Variants in ARHGAP8 observed in about 807,000 individuals in gnomAD.
ARHGAP8 encodes the protein Rho GTPase activating protein 8.
ARHGAP8 carries 62 observed loss-of-function variants against 46.1 expected under a neutral mutation model. That is an observed-to-expected ratio of 1.34 (90% confidence interval 1.10 to 1.66). The LOEUF (loss-of-function observed/expected upper bound fraction) is 1.66, where lower values mean the gene tolerates loss of function less well. Ranked by LOEUF, ARHGAP8 falls within the 40% of genes most tolerant of loss-of-function variation. ARHGAP8 has a pLI of 0.00. For missense variants in ARHGAP8, 923 were observed against 568.4 expected (o/e 1.62, Z -6.34); for synonymous variants, 375 against 243.1 (o/e 1.54, Z -5.05).
chr22:44,798,282 A>T (rs183353898), intron 2 of ARHGAP8, among the ~76,000 whole-genome samples: 9 of 151,802 alleles, frequency 5.9e-5, no homozygotes, highest in Admixed American at 5.3e-4. Context: ...GGCCAAAAAA[A>T]TTTTTTTAGA....
At chr22:44,821,892 G>A (rs1326401748) in intron 5 of ARHGAP8, among the ~76,000 whole-genome samples, 2 of 148,738 alleles carry the variant, frequency 1.3e-5, no homozygotes, top group African/African-American at 4.9e-5. Flanking sequence ...CAAACCTGGA[G>A]AGCCTCATTG....
At chr22:44,753,472 G>C (rs1188894846) in intron 1 of ARHGAP8, among the ~76,000 whole-genome samples, 1 of 151,922 alleles carries the variant, frequency 6.6e-6, no homozygotes, top group African/African-American at 2.4e-5. Flanking sequence ...CCGTCTTCCT[G>C]GGCCTCCCAA....
At chr22:44,853,045 G>A (rs1311949638) in intron 10 of ARHGAP8, among the ~76,000 whole-genome samples, 2 of 152,104 alleles carry the variant, frequency 1.3e-5, no homozygotes, top group African/African-American at 4.8e-5. Context: ...CTTGTGATCC[G>A]CCCACCTCAG....
chr22:44,840,553 C>T (rs1450839244), intron 7 of ARHGAP8, among the ~76,000 whole-genome samples: 4 of 152,120 alleles, frequency 2.6e-5, no homozygotes, highest in South Asian at 2.1e-4. Context: ...TTATAAACAA[C>T]GGAAATTTAC....
At chr22:44,754,076 C>A (rs1440563559) in intron 1 of ARHGAP8, among the ~76,000 whole-genome samples, 1 of 152,164 alleles carries the variant, frequency 6.6e-6, no homozygotes, top group African/African-American at 2.4e-5. Flanking sequence ...TTCTTGTGGA[C>A]AGCCAGCTGC....
intron 10 of ARHGAP8, among the ~76,000 whole-genome samples, chr22:44,851,374 T>C (rs1164556301): frequency 2.0e-5 from 3 of 152,042 alleles, no homozygotes; most frequent in African/African-American, 4.8e-5. Flanking sequence ...AAGTTTTACA[T>C]GACACAGGAG....
At chr22:44,860,452 T>TC (rs1224066902) in intron 11 of ARHGAP8, among the ~76,000 whole-genome samples, 1 of 151,784 alleles carries the variant, frequency 6.6e-6, no homozygotes, top group Non-Finnish European at 1.5e-5. Flanking sequence ...GTGTCTAATC[T>TC]CCCTCCACCT....
intron 1 of ARHGAP8, among the ~76,000 whole-genome samples, chr22:44,759,754 T>C (rs1000888652): frequency 6.6e-6 from 1 of 152,218 alleles, no homozygotes; most frequent in African/African-American, 2.4e-5. Context: ...TCGTGCTGAT[T>C]AGCTCTGGCT....
intron 2 of ARHGAP8, among the ~76,000 whole-genome samples, chr22:44,787,230 T>C (rs1247334918): frequency 6.6e-6 from 1 of 152,254 alleles, no homozygotes; most frequent in East Asian, 1.9e-4. Context: ...GGCACTGTTA[T>C]GTCTCATCCA....
At chr22:44,831,630 C>T (rs1225283013) in intron 7 of ARHGAP8, among the ~76,000 whole-genome samples, 4 of 152,020 alleles carry the variant, frequency 2.6e-5, no homozygotes, top group Admixed American at 6.6e-5. Context: ...ACCTGGGAGG[C>T]GGAGGTTGCA....
At chr22:44,860,632 A>G (rs5765061) in intron 11 of ARHGAP8, among the ~76,000 whole-genome samples, 8,770 of 91,644 alleles carry the variant, frequency 0.096, 489 homozygotes, top group East Asian at 0.45. Context: ...CCACCATTCA[A>G]TCTACTACAC....
chr22:44,817,542 G>A (rs981580205), intron 5 of ARHGAP8, among the ~76,000 whole-genome samples: 7 of 152,268 alleles, frequency 4.6e-5, no homozygotes, highest in Admixed American at 2.6e-4. Context: ...AATAGCTCAC[G>A]TCTGTAATCT....
chr22:44,840,033 T>G (rs999140721), intron 7 of ARHGAP8, among the ~76,000 whole-genome samples: 3 of 152,206 alleles, frequency 2.0e-5, no homozygotes, highest in Admixed American at 6.5e-5. Context: ...CCCAGCCTGA[T>G]GTTCCCACGG....
rs149327155 is a variant in ARHGAP8, at chr22:44,849,039, G to T, written c.856G>T (p.Glu286Ter). ...GCCGCTTCTGACCTTCCAGGCCTAC[G>T]AGCAGATTCTCGGGATCACCTGTGC... ...PQPLLTFQAY[E>*]QILGITCVES... The change falls in exon 10 of 12, where the codon GAG (glutamate) becomes TAG (stop). Residue 286 changes from glutamate (E) to a stop codon, truncating the protein, a stop_gained. Transcript: ENST00000356099. LOFTEE classifies it high-confidence loss of function. 2 of 1,613,972 alleles carry T rather than the reference G, an allele frequency of 1.2e-6. No individual in the cohort carries two copies. Among genetic ancestry groups the T allele is most frequent in the South Asian group, 2.2e-5 (2 of 91,080 alleles).
intron 10 of ARHGAP8, chr22:44,850,715 C>G (rs1177323826): frequency 6.6e-6 from 1 of 152,128 alleles, no homozygotes; most frequent in Non-Finnish European, 1.5e-5. Context: ...CCTGTAATCC[C>G]AGCACTTTGA....
In ARHGAP8 at chr22:44,788,037, AG is replaced by A. The variant is rs1345121195; in HGVS notation, c.79+1432del. Reference sequence around the variant, plus strand: ...GCAGATCCCCTGGCCAGGTGCCAACAGAAGGAAGGCAGGAAATATATATTTT... The same window carrying A: ...GCAGATCCCCTGGCCAGGTGCCAACAAAGGAAGGCAGGAAATATATATTTT... On this transcript the variant is annotated intron_variant, in intron 2 of 11. Transcript: ENST00000356099. Among the ~76,000 whole-genome samples the A allele has an allele frequency of 7.4e-3, 1,109 of 150,036 alleles. 5 individuals are homozygous for A. Among genetic ancestry groups the A allele is most frequent in the Middle Eastern group, 0.014 (4 of 282 alleles).
intron 1 of ARHGAP8, among the ~76,000 whole-genome samples, chr22:44,758,548 A>G (rs759698022): frequency 2.6e-5 from 4 of 152,030 alleles, no homozygotes; most frequent in Non-Finnish European, 4.4e-5. Flanking sequence ...ATTGGACTTT[A>G]GCCAATGATG....
intron 11 of ARHGAP8, among the ~76,000 whole-genome samples, chr22:44,861,929 C>T (rs181046535): frequency 9.9e-4 from 150 of 152,262 alleles, no homozygotes; most frequent in Admixed American, 9.4e-3. Flanking sequence ...GAGCCGAGGC[C>T]AGAGAGGTCA....
In ARHGAP8 at chr22:44,803,696, CA is replaced by C. The variant is rs1468087964; in HGVS notation, c.167+1533del. 3.2e-3 allele frequency among the ~76,000 whole-genome samples: 364 copies of C among 112,998 alleles called. 1 individual carries two copies. Among genetic ancestry groups the C allele is most frequent in the East Asian group, 5.0e-3 (16 of 3,226 alleles). The allele number at this position is 112,998 out of a possible 152,430, so 74.1% of individuals were successfully genotyped here. ...CCCCTCCCGTGCACACACCCCCTCCCAGGAACACACCCCCCCATGCATGCAC... is the reference window on the plus strand; with the variant it reads ...CCCCTCCCGTGCACACACCCCCTCCCGGAACACACCCCCCCATGCATGCAC... On this transcript the variant is annotated intron_variant, in intron 3 of 11. Coordinates refer to ENST00000356099, the MANE Select transcript of ARHGAP8 (RefSeq NM_181335.3).
Sources: gnomAD v4.1 joint callset for allele counts (sites outside exome capture counted in the v4.1 genomes callset) on GRCh38, gnomAD v4.1.1 for gene constraint, MANE v1.5 for transcripts, NCBI Gene and HGNC (gene_info 2026-07-23, HGNC 2026-07-21) for gene names.